Variants in RYR1 observed in about 807,000 individuals in gnomAD.
RYR1 encodes ryanodine receptor 1, also known as central core disease of muscle.
A neutral mutation model predicts 583.5 loss-of-function variants in RYR1; 342 were observed. That is an observed-to-expected ratio of 0.59 (90% confidence interval 0.54 to 0.64). RYR1 has a LOEUF of 0.64. Ranked by LOEUF, RYR1 falls within the 30% of genes least tolerant of loss-of-function variation. The pLI is 0.00. For missense variants in RYR1, 6,032 were observed against 6,917.2 expected (o/e 0.87, Z 4.54); for synonymous variants, 2,791 against 2,822.5 (o/e 0.99, Z 0.35).
rs1008466537 is a variant in RYR1, at chr19:38,536,762, A to G, written c.11603A>G (p.Gln3868Arg). ...TTGGCTGCCCCAGTCATCAATCGCC[A>G]GAACGGTAATTCCCCCAGCCCACCC... ...VNEDGTVINRQNGEKVMADDE... is the reference protein window; with the variant it reads ...VNEDGTVINRRNGEKVMADDE... Residue 3868 changes from glutamine (Q) to arginine (R), a missense_variant, in exon 83 of 106, where the codon CAG becomes CGG. Coordinates refer to ENST00000359596, the MANE Select transcript of RYR1 (RefSeq NM_000540.3). The G allele has an allele frequency of 1.9e-6, 3 of 1,613,602 alleles. No individual in the cohort carries two copies. The highest frequency in any genetic ancestry group is 2.2e-5 in the East Asian group (1 of 44,842).
chr19:38,513,107 G>A (rs1970803163), intron 63 of RYR1, among the ~76,000 whole-genome samples: 1 of 152,200 alleles, frequency 6.6e-6, no homozygotes, highest in South Asian at 2.1e-4. Flanking sequence ...GGAGGCCAAG[G>A]CGGACAGATC....
chr19:38,453,640 G>C (rs1026351122), intron 13 of RYR1, among the ~76,000 whole-genome samples: 9 of 151,746 alleles, frequency 5.9e-5, no homozygotes, highest in Non-Finnish European at 1.2e-4. Context: ...AACTGTTAAA[G>C]AGAAAAATTC....
chr19:38,549,155 C>T (rs1266071939), intron 89 of RYR1, among the ~76,000 whole-genome samples: 4 of 152,054 alleles, frequency 2.6e-5, no homozygotes, highest in Non-Finnish European at 5.9e-5. Context: ...AATAATGAGC[C>T]TGCTAGGAGG....
intron 89 of RYR1, among the ~76,000 whole-genome samples, chr19:38,558,937 A>G (rs1490878116): frequency 6.6e-6 from 1 of 152,142 alleles, no homozygotes; most frequent in African/African-American, 2.4e-5. Context: ...CTAAAAATAC[A>G]GAATTAGCCA....
chr19:38,515,178 TG>T, intron 64 of RYR1, 71 bp downstream of exon 64: 1 of 1,087,810 alleles, frequency 9.2e-7, no homozygotes, highest in Non-Finnish European at 1.4e-6. Flanking sequence ...GGGAAGAAGA[TG>T]GGGTGGGTGA....
chr19:38,509,922 T>C (rs2960334), intron 58 of RYR1, among the ~76,000 whole-genome samples: 49,346 of 151,858 alleles, frequency 0.32, 8,514 homozygotes, highest in South Asian at 0.46. Context: ...TATTCAAGTT[T>C]AGAATGAAAA....
chr19:38,459,068 A>C, intron 18 of RYR1, 78 bp from the exon 19 acceptor site: 1 of 1,306,148 alleles, frequency 7.7e-7, no homozygotes, highest in Non-Finnish European at 1.1e-6. Context: ...GGAGCCTCCA[A>C]TATCTGTCCC....
At position 38,567,899 on chromosome 19, in the gene RYR1, G is replaced by T. The variant is rs745756382; in HGVS notation, c.13641G>T (p.Val4547=). 4 of 1,613,706 alleles carry T rather than the reference G, an allele frequency of 2.5e-6. No homozygotes were observed. The highest frequency in any genetic ancestry group is 2.2e-5 in the East Asian group (1 of 44,864). Residue 4547 remains valine (V), a synonymous_variant, in exon 93 of 106, where the codon GTG becomes GTT. Transcript: ENST00000359596. Reference sequence around the variant, plus strand: ...GCGAATTCTGGGGAGAACTGGAGGTGCAGAGGGTGAAGTTCCTGGTAAGGA... The same window carrying T: ...GCGAATTCTGGGGAGAACTGGAGGTTCAGAGGGTGAAGTTCCTGGTAAGGA... ...AGGEFWGELE[V]QRVKFLNYLS...
intron 31 of RYR1, among the ~76,000 whole-genome samples, chr19:38,481,163 G>T (rs905816247): frequency 6.6e-6 from 1 of 152,048 alleles, no homozygotes; most frequent in Non-Finnish European, 1.5e-5. Flanking sequence ...GTCTCATTCT[G>T]TCACCCAGGC....
rs370434033 is a variant in RYR1, at chr19:38,475,298, G to A, written c.4161-20G>A. ...GGGCTTGAAAGCTGGCTCTCATGGC[G>A]CCTCTCCTCCCACTACCAGCTTCTT... is the stretch of plus-strand genomic sequence containing the variant. On this transcript the variant is annotated intron_variant, in intron 28 of 105. Transcript: ENST00000359596. 2.5e-5 allele frequency: 39 copies of A among 1,561,160 alleles called. No individual in the cohort carries two copies. Among genetic ancestry groups the A allele is most frequent in the East Asian group, 2.2e-4 (9 of 41,742 alleles).
At chr19:38,474,007 C>CT (rs1968580649) in intron 28 of RYR1, among the ~76,000 whole-genome samples, 2 of 152,174 alleles carry the variant, frequency 1.3e-5, no homozygotes, top group African/African-American at 4.8e-5. Context: ...ATGGAGAACT[C>CT]TATTATCCTT....
intron 39 of RYR1, among the ~76,000 whole-genome samples, chr19:38,495,468 C>T (rs186610449): frequency 6.6e-6 from 1 of 152,282 alleles, no homozygotes; most frequent in Admixed American, 6.5e-5. Context: ...GCCTCAGTCT[C>T]CTGAGTAGCT....
chr19:38,498,881 G>C (rs866536620), intron 42 of RYR1, among the ~76,000 whole-genome samples: 1 of 152,154 alleles, frequency 6.6e-6, no homozygotes, highest in Non-Finnish European at 1.5e-5. Flanking sequence ...CTGTGACTTA[G>C]AATGCCTTAA....
chr19:38,457,421 C>A, intron 16 of RYR1, 76 bp from the exon 17 acceptor site: 1 of 1,608,972 alleles, frequency 6.2e-7, no homozygotes, highest in Non-Finnish European at 8.5e-7. Flanking sequence ...CTCCTGGCTT[C>A]CCTCCCTCCC....
intron 76 of RYR1, among the ~76,000 whole-genome samples, chr19:38,529,535 A>G (rs1414023345): frequency 2.0e-5 from 3 of 152,326 alleles, no homozygotes; most frequent in Admixed American, 1.3e-4. Flanking sequence ...CACAGCCAAC[A>G]TACACCGTTG....
At chr19:38,452,696 T>A in intron 12 of RYR1, 123 bp from the exon 13 acceptor site, 1 of 852,054 alleles carries the variant, frequency 1.2e-6, no homozygotes, top group Non-Finnish European at 1.8e-6. Context: ...CCTCTCTGCG[T>A]CTCGGTCTCC....
Position 38,567,837 on chromosome 19 carries a change from C to T in RYR1, c.13579C>T (p.Pro4527Ser), listed in dbSNP as rs1049222611. 1.2e-6 allele frequency: 2 copies of T among 1,614,118 alleles called. No individual in the cohort carries two copies. The highest frequency in any genetic ancestry group is 1.7e-6 in the Non-Finnish European group (2 of 1,180,018). Residue 4527 changes from proline (P) to serine (S), a missense_variant, in exon 93 of 106, where the codon CCT becomes TCT. By Grantham distance (74) the Pro-to-Ser change is moderately conservative (BLOSUM62 -1). Coordinates refer to ENST00000359596, the MANE Select transcript of RYR1 (RefSeq NM_000540.3). ...ACCAGAGCCCCCCAAGAAGCAAGCACCTCCCTCACCCCCTCCAAAGAAGGA... is the reference window on the plus strand; with the variant it reads ...ACCAGAGCCCCCCAAGAAGCAAGCATCTCCCTCACCCCCTCCAAAGAAGGA... ...PTPEPPKKQA[P>S]PSPPPKKEEA...
At chr19:38,437,314 G>T (rs1169650834) in intron 1 of RYR1, among the ~76,000 whole-genome samples, 1 of 152,048 alleles carries the variant, frequency 6.6e-6, no homozygotes, top group African/African-American at 2.4e-5. Context: ...GCCTCCCAAA[G>T]TGCTGGGATT....
chr19:38,458,612 T>TATTTA (rs770089602), intron 18 of RYR1, among the ~76,000 whole-genome samples: 416 of 147,704 alleles, frequency 2.8e-3, no homozygotes, highest in African/African-American at 9.2e-3. Context: ...TTTATTTATT[T>TATTTA]TGTTTGTTTG....
Sources: gnomAD v4.1 joint callset for allele counts (sites outside exome capture counted in the v4.1 genomes callset) on GRCh38, gnomAD v4.1.1 for gene constraint, MANE v1.5 for transcripts, NCBI Gene and HGNC (gene_info 2026-07-23, HGNC 2026-07-21) for gene names.